SBF2: variants seen among roughly 807,000 people sequenced by gnomAD.
The protein encoded by SBF2 is SET binding factor 2.
In SBF2, 112 loss-of-function variants were observed where a neutral mutation model predicts 225.2. That is an observed-to-expected ratio of 0.50 (90% confidence interval 0.43 to 0.58). The LOEUF is 0.58. SBF2 is among the 20% of genes least tolerant of loss of function. SBF2 has a pLI of 0.00. For synonymous variants in SBF2, 763 were observed against 773.3 expected, an observed-to-expected ratio of 0.99 and a Z score of 0.22; for missense variants, 1,996 against 2,206.2, an observed-to-expected ratio of 0.90 and a Z score of 1.91.
chr11:9,827,738 A>G (rs1478223189), intron 28 of SBF2, among the ~76,000 whole-genome samples: 1 of 152,202 alleles, frequency 6.6e-6, no homozygotes, highest in Non-Finnish European at 1.5e-5. Context: ...CAGGAGCAAA[A>G]ATAACAGGAC....
chr11:9,784,962 T>C, intron 37 of SBF2, 163 bp downstream of exon 37: 1 of 727,774 alleles, frequency 1.4e-6, no homozygotes. Flanking sequence ...TTGTTTTTTG[T>C]CTTTTCAAAG....
intron 1 of SBF2, among the ~76,000 whole-genome samples, chr11:10,196,866 A>ATATATATATATATTTTT: frequency 1.1e-4 from 11 of 99,306 alleles, no homozygotes; most frequent in African/African-American, 1.2e-4. Context: ...ATATATATAT[A>ATATATATATATATTTTT]TTTTTTTTTT....
intron 2 of SBF2, among the ~76,000 whole-genome samples, chr11:10,088,730 C>G (rs1951671246): frequency 1.3e-5 from 2 of 152,220 alleles, no homozygotes; most frequent in African/African-American, 4.8e-5. Context: ...GGGGTGTACC[C>G]CCACGATCCA....
rs527239633 is a variant in SBF2, at chr11:9,936,008, A to G, written c.1860+25949T>C. Among the ~76,000 whole-genome samples, 12 of 152,228 alleles carry G rather than the reference A, an allele frequency of 7.9e-5. No individual in the cohort carries two copies. In the South Asian group the frequency reaches 2.5e-3, roughly 32 times the overall value. On this transcript the variant is annotated intron_variant, in intron 16 of 39. Coordinates refer to ENST00000256190, the MANE Select transcript of SBF2 (RefSeq NM_030962.4). Reference sequence around the variant, plus strand: ...GCACAGCAAAAGAAACTACCATCAGAGTGAATAGGCAATCTACAGAATGGG... The same window carrying G: ...GCACAGCAAAAGAAACTACCATCAGGGTGAATAGGCAATCTACAGAATGGG...
intron 30 of SBF2, chr11:9,810,352 G>A (rs1379047664): frequency 6.6e-6 from 1 of 152,144 alleles, no homozygotes; most frequent in Non-Finnish European, 1.5e-5. Flanking sequence ...CAATATATTT[G>A]TGCTAAGTTT....
chr11:10,175,704 T>C (rs962582602), intron 2 of SBF2, among the ~76,000 whole-genome samples: 1 of 150,992 alleles, frequency 6.6e-6, no homozygotes, highest in Admixed American at 6.6e-5. Context: ...ATCAACAGAA[T>C]AGACATTTTT....
chr11:10,175,926 G>A (rs917806028), intron 2 of SBF2, among the ~76,000 whole-genome samples: 12 of 151,122 alleles, frequency 7.9e-5, no homozygotes, highest in East Asian at 5.8e-4. Flanking sequence ...GGTGCATAAC[G>A]AAATGAAGGC....
chr11:9,888,504 C>CA (rs11379489), intron 17 of SBF2, among the ~76,000 whole-genome samples: 15,742 of 137,926 alleles, frequency 0.11, 862 homozygotes, highest in African/African-American at 0.14. Context: ...AAACCAGTCT[C>CA]AAAAAAAAAA....
At chr11:9,968,921 C>T (rs2134389638) in intron 13 of SBF2, among the ~76,000 whole-genome samples, 1 of 152,248 alleles carries the variant, frequency 6.6e-6, no homozygotes, top group South Asian at 2.1e-4. Context: ...TATCTTTAAA[C>T]CATAAAAATA....
intron 1 of SBF2, among the ~76,000 whole-genome samples, chr11:10,206,223 C>A (rs1031536078): frequency 2.0e-5 from 3 of 150,834 alleles, no homozygotes; most frequent in African/African-American, 7.3e-5. Context: ...CCTCAGGCAG[C>A]ACCAGTGGGA....
At chr11:9,972,637 C>A (rs548526088) in intron 13 of SBF2, among the ~76,000 whole-genome samples, 2 of 152,108 alleles carry the variant, frequency 1.3e-5, no homozygotes, top group Admixed American at 1.3e-4. Context: ...TGCACCACCA[C>A]GCCTGGCTAA....
At chr11:9,829,227 AG>A in intron 28 of SBF2, 128 bp downstream of exon 28, 1 of 1,031,600 alleles carries the variant, frequency 9.7e-7, no homozygotes, top group Non-Finnish European at 1.5e-6. Context: ...ATAACCCTTC[AG>A]GGTAAAACTT....
At chr11:9,881,132 G>C (rs917322818) in intron 17 of SBF2, among the ~76,000 whole-genome samples, 1 of 152,126 alleles carries the variant, frequency 6.6e-6, no homozygotes, top group Non-Finnish European at 1.5e-5. Flanking sequence ...TTTGGATATA[G>C]AATCTCATTT....
chr11:10,132,048 G>T (rs1478286129), intron 2 of SBF2, among the ~76,000 whole-genome samples: 1 of 152,132 alleles, frequency 6.6e-6, no homozygotes, highest in Non-Finnish European at 1.5e-5. Flanking sequence ...CTTAGGTCAA[G>T]ATTATTTTTT....
At chr11:9,996,538 C>T (rs1003109205) in intron 9 of SBF2, among the ~76,000 whole-genome samples, 6 of 151,970 alleles carry the variant, frequency 3.9e-5, no homozygotes, top group Admixed American at 6.6e-5. Context: ...TACAGGCGTG[C>T]GCCACCACGC....
intron 4 of SBF2, among the ~76,000 whole-genome samples, chr11:10,030,122 G>A (rs191134949): frequency 6.6e-6 from 1 of 152,302 alleles, no homozygotes; most frequent in East Asian, 1.9e-4. Context: ...AGATGTTTGT[G>A]CTCTGATAAC....
intron 17 of SBF2, among the ~76,000 whole-genome samples, chr11:9,863,330 T>C (rs1325292006): frequency 6.6e-6 from 1 of 152,194 alleles, no homozygotes; most frequent in Non-Finnish European, 1.5e-5. Context: ...GACATGTTAG[T>C]TCCCCAAGCT....
chr11:10,224,415 T>C (rs878974751), intron 1 of SBF2, among the ~76,000 whole-genome samples: 4 of 152,128 alleles, frequency 2.6e-5, no homozygotes, highest in Admixed American at 2.6e-4. Context: ...ATAAATTAGA[T>C]CATGTCACTT....
At chr11:9,994,138 A>G (rs1947562938) in intron 9 of SBF2, 140 bp from the exon 10 acceptor site, 1 of 732,064 alleles carries the variant, frequency 1.4e-6, no homozygotes, top group Non-Finnish European at 2.3e-6. Context: ...GGGTAGTTCT[A>G]TATGTACTAT....
Sources: allele counts gnomAD v4.1 joint callset (sites outside exome capture counted in the v4.1 genomes callset), GRCh38; gene constraint gnomAD v4.1.1; transcripts MANE v1.5; gene names NCBI Gene and HGNC (gene_info 2026-07-23, HGNC 2026-07-21).